The following KALRN variants were observed in gnomAD, a reference collection of about 807,000 sequenced individuals.
KALRN encodes the protein kalirin.
Under a neutral mutation model 353.7 loss-of-function variants are expected in KALRN, and 70 were observed. The ratio of observed to expected loss-of-function variants is 0.20; its 90% confidence interval spans 0.16 to 0.24. The LOEUF is 0.24. Among genes scored for constraint, KALRN ranks in the 10% least tolerant of loss-of-function variants. The pLI is 1.00. For synonymous variants in KALRN, 1,391 were observed against 1,434.8 expected (o/e 0.97, Z 0.69); for missense variants, 2,791 against 3,756.7 (o/e 0.74, Z 6.72).
At chr3:124,660,680 CAAAAAAAAAA>C (rs5852424) in intron 43 of KALRN, among the ~76,000 whole-genome samples, 10 of 93,802 alleles carry the variant, frequency 1.1e-4, no homozygotes, top group Non-Finnish European at 1.5e-4. Context: ...GACTATGTCT[CAAAAAAAAAA>C]AAAAAAAGGA....
intron 1 of KALRN, among the ~76,000 whole-genome samples, chr3:124,049,091 A>G (rs2040798116): frequency 1.3e-5 from 2 of 152,160 alleles, no homozygotes; most frequent in Non-Finnish European, 2.9e-5. Flanking sequence ...CACTTTTGTT[A>G]GTGACATTTA....
chr3:124,038,215 G>A (rs1238832614), intron 1 of KALRN, among the ~76,000 whole-genome samples: 5 of 152,200 alleles, frequency 3.3e-5, no homozygotes, highest in African/African-American at 1.2e-4. Flanking sequence ...ATGACAGGCT[G>A]CAGACAGGTT....
chr3:124,172,262 G>T (rs1456026868), intron 1 of KALRN, among the ~76,000 whole-genome samples: 1 of 152,084 alleles, frequency 6.6e-6, no homozygotes, highest in African/African-American at 2.4e-5. Context: ...CCTTACCTTG[G>T]CTTGCTGGCC....
At chr3:124,042,656 C>T (rs901999674) in intron 1 of KALRN, among the ~76,000 whole-genome samples, 39 of 152,216 alleles carry the variant, frequency 2.6e-4, no homozygotes, top group African/African-American at 9.4e-4. Context: ...AGAGAACAGA[C>T]ATACCCTTAA....
rs368681248 is a variant in KALRN at position 124,202,789 on chromosome 3, C to G, written c.74-25201C>G. Among the ~76,000 whole-genome samples the G allele has an allele frequency of 3.9e-5, 6 of 152,282 alleles. No individual in the cohort carries two copies. In the East Asian group the frequency reaches 1.2e-3, roughly 29 times the overall value. On this transcript the variant is annotated intron_variant, in intron 1 of 59. Transcript: ENST00000682506. ...ACCTTTTCTTCAAGACACACCTCTT[C>G]CCCTCTGGAGAGTACAAAATGTGAT...
chr3:124,199,044 G>A (rs2075710258), intron 1 of KALRN, among the ~76,000 whole-genome samples: 1 of 152,220 alleles, frequency 6.6e-6, no homozygotes, highest in Non-Finnish European at 1.5e-5. Flanking sequence ...GACCTAAGGA[G>A]GCTAAGGAAA....
rs965619366 is a variant in KALRN at position 124,450,213 on chromosome 3, CTG to C, written c.3552+3332_3552+3333del. ...TCCACATCCTCACCAACACTTGTTA[CTG>C]TGTCTTTTTATATAGCCATCCTAGA... On this transcript the variant is annotated intron_variant, in intron 21 of 59. Coordinates refer to ENST00000682506, the MANE Select transcript of KALRN (RefSeq NM_001388419.1). Among the ~76,000 whole-genome samples the C allele has an allele frequency of 3.5e-4, 53 of 152,174 alleles. 1 individual carries two copies. The highest frequency in any genetic ancestry group is 1.2e-3 in the African/African-American group (49 of 41,446).
rs528445801 is a variant in KALRN at position 124,082,608 on chromosome 3, C to T, written c.73+48795C>T. On this transcript the variant is annotated intron_variant, in intron 1 of 59. Transcript: ENST00000682506. Reference sequence around the variant, plus strand: ...TTGCAATCTGCAGTGTCCCTTTACTCTGGGCACTATGTTAGGTGCTCGGTG... The same window carrying T: ...TTGCAATCTGCAGTGTCCCTTTACTTTGGGCACTATGTTAGGTGCTCGGTG... Among the ~76,000 whole-genome samples, 3 of 152,306 alleles carry T rather than the reference C, an allele frequency of 2.0e-5. No homozygotes were observed. In the South Asian group the frequency reaches 6.2e-4, roughly 32 times the overall value.
At chr3:124,584,539 CA>C (rs2074933419) in intron 34 of KALRN, 1 of 1,067,580 alleles carries the variant, frequency 9.4e-7, no homozygotes. Context: ...GTGCCACAGG[CA>C]GCGTTACATG....
intron 33 of KALRN, among the ~76,000 whole-genome samples, chr3:124,558,734 A>G (rs1173968571): frequency 1.3e-5 from 2 of 152,250 alleles, no homozygotes; most frequent in Non-Finnish European, 1.5e-5. Flanking sequence ...CAAAGAGGTG[A>G]AGTAACTTGC....
At chr3:124,211,023 A>T (rs2076855025) in intron 1 of KALRN, among the ~76,000 whole-genome samples, 1 of 152,210 alleles carries the variant, frequency 6.6e-6, no homozygotes, top group African/African-American at 2.4e-5. Context: ...CTACAATTTC[A>T]GGAGCTGACA....
chr3:124,181,107 C>T (rs2073531435), intron 1 of KALRN, among the ~76,000 whole-genome samples: 1 of 115,362 alleles, frequency 8.7e-6, no homozygotes, highest in Non-Finnish European at 1.8e-5. Context: ...AAAAATTAGC[C>T]AGGCGTGATG....
At chr3:124,446,666 A>G (rs1245317859) in intron 20 of KALRN, 97 bp from the exon 21 acceptor site, 9 of 1,480,448 alleles carry the variant, frequency 6.1e-6, no homozygotes, top group Admixed American at 1.9e-5. Flanking sequence ...TCCTGGGTCC[A>G]TTAAGTTGTC....
At chr3:124,589,627 G>C (rs982812543) in intron 34 of KALRN, among the ~76,000 whole-genome samples, 4 of 152,110 alleles carry the variant, frequency 2.6e-5, no homozygotes, top group Non-Finnish European at 4.4e-5. Flanking sequence ...CACCATCCAG[G>C]GGATAAAATC....
At chr3:124,593,331 A>G (rs1283865082) in intron 34 of KALRN, among the ~76,000 whole-genome samples, 3 of 152,310 alleles carry the variant, frequency 2.0e-5, no homozygotes, top group South Asian at 4.1e-4. Context: ...AGAAGTTCTC[A>G]AAGTGTGGTC....
intron 34 of KALRN, chr3:124,585,043 G>A: frequency 9.3e-7 from 1 of 1,070,528 alleles, no homozygotes; most frequent in Non-Finnish European, 1.3e-6. Flanking sequence ...GGAGGGCGGC[G>A]AAGTGAGAGA....
At chr3:124,224,003 G>A (rs1473201307) in intron 1 of KALRN, among the ~76,000 whole-genome samples, 2 of 152,110 alleles carry the variant, frequency 1.3e-5, no homozygotes, top group East Asian at 1.9e-4. Context: ...GCTAATTAAC[G>A]GAACAGCAGG....
intron 3 of KALRN, among the ~76,000 whole-genome samples, chr3:124,254,414 C>T (rs928509577): frequency 1.9e-5 from 2 of 104,672 alleles, no homozygotes; most frequent in Non-Finnish European, 3.7e-5. Flanking sequence ...TTCTATGCAT[C>T]TATGAAGCAA....
chr3:124,242,799 G>A (rs1579927929), intron 3 of KALRN, among the ~76,000 whole-genome samples: 1 of 152,094 alleles, frequency 6.6e-6, no homozygotes, highest in East Asian at 1.9e-4. Context: ...TGAGGGTGGT[G>A]GTGGTGTTGG....
Sources: allele counts gnomAD v4.1 joint callset (sites outside exome capture counted in the v4.1 genomes callset), GRCh38; gene constraint gnomAD v4.1.1; transcripts MANE v1.5; gene names NCBI Gene and HGNC (gene_info 2026-07-23, HGNC 2026-07-21).